The following TFG variants were observed in gnomAD, a reference collection of about 807,000 sequenced individuals.
TFG encodes the protein trafficking from ER to golgi regulator.
A neutral mutation model predicts 51.4 loss-of-function variants in TFG; 22 were observed. That is an observed-to-expected ratio of 0.43 (90% CI 0.31 to 0.61). TFG has a LOEUF of 0.61. Ranked by LOEUF, TFG falls within the 20% of genes least tolerant of loss-of-function variation. The probability of loss-of-function intolerance (pLI) is 0.12; values close to 1 mark genes in which losing one functional copy is unlikely to be tolerated. For synonymous variants in TFG, 187 were observed against 165.6 expected (o/e 1.13, Z -0.99); for missense variants, 419 against 487.7 (o/e 0.86, Z 1.33).
chr3:100,713,656 T>C lies in TFG; in HGVS notation c.-30T>C, dbSNP rs759028594. ...CACTTTTATCAGTCTTTCTCTAGAG[T>C]TGTATATATAGAACATCCTGGAGTC... is the stretch of plus-strand genomic sequence containing the variant. On this transcript the variant is annotated 5_prime_UTR_variant, in exon 2 of 8. Transcript: ENST00000240851. The C allele has an allele frequency of 6.8e-7, 1 of 1,480,902 alleles. No homozygotes were observed. Among genetic ancestry groups the C allele is most frequent in the Admixed American group, 2.1e-5 (1 of 48,566 alleles). 91.7% of individuals were successfully genotyped at this position (1,480,902 alleles called of 1,614,324 possible). A position where few individuals can be genotyped will look rare whatever the true frequency, so the allele number is the denominator to read the frequency against.
chr3:100,720,132 T>A, intron 3 of TFG, 74 bp downstream of exon 3: 2 of 925,000 alleles, frequency 2.2e-6, no homozygotes, highest in Non-Finnish European at 3.3e-6. Flanking sequence ...TTTTTCCTTT[T>A]AAAGACTCAG....
intron 6 of TFG, among the ~76,000 whole-genome samples, chr3:100,738,516 G>A (rs2095112813): frequency 6.6e-6 from 1 of 152,172 alleles, no homozygotes. Flanking sequence ...GTTTAATTGA[G>A]CATTTTCAAA....
At chr3:100,743,561 T>C (rs896536820) in intron 6 of TFG, 1 of 152,164 alleles carries the variant, frequency 6.6e-6, no homozygotes, top group Non-Finnish European at 1.5e-5. Flanking sequence ...ATAGGATAAA[T>C]AGCTTAAAAT....
intron 4 of TFG, among the ~76,000 whole-genome samples, chr3:100,730,936 A>G (rs1370798245): frequency 6.6e-6 from 1 of 152,306 alleles, no homozygotes; most frequent in Non-Finnish European, 1.5e-5. Context: ...AGAGGAAGGA[A>G]GTTGGTAGGG....
At chr3:100,746,120 G>T (rs1431536173) in intron 7 of TFG, among the ~76,000 whole-genome samples, 1 of 152,142 alleles carries the variant, frequency 6.6e-6, no homozygotes. Context: ...TCAGGAGGAA[G>T]GTTATTTTTA....
intron 3 of TFG, among the ~76,000 whole-genome samples, chr3:100,720,657 G>T (rs1454412000): frequency 6.6e-6 from 1 of 152,210 alleles, no homozygotes. Context: ...GCCCGGTTTG[G>T]TTCCTAACAG....
At chr3:100,718,671 CCTCGGCCTCCCAAGTAG>C (rs2095053018) in intron 2 of TFG, among the ~76,000 whole-genome samples, 1 of 150,696 alleles carries the variant, frequency 6.6e-6, no homozygotes, top group South Asian at 2.1e-4. Flanking sequence ...GATTCTCCTG[CCTCGGCCTCCCAAGTAG>C]CTGGAATTAT....
intron 2 of TFG, 71 bp downstream of exon 2, chr3:100,713,940 G>A: frequency 9.6e-7 from 1 of 1,041,746 alleles, no homozygotes; most frequent in Non-Finnish European, 1.3e-6. Flanking sequence ...AGCCTCTGTT[G>A]CCCAGGCTGG....
At position 100,709,638 on chromosome 3, in the gene TFG, C is replaced by G. The variant is rs935826865; in HGVS notation, c.-127C>G. The G allele has an allele frequency of 6.6e-6, 1 of 151,360 alleles. No individual in the cohort carries two copies. The highest frequency in any genetic ancestry group is 2.4e-5 in the African/African-American group (1 of 41,164). 9.4% of individuals were successfully genotyped at this position (151,360 alleles called of 1,614,324 possible). A position where few individuals can be genotyped will look rare whatever the true frequency, so the allele number is the denominator to read the frequency against. On this transcript the variant is annotated 5_prime_UTR_variant, in exon 1 of 8. Transcript: ENST00000240851. ...GAGGGGGCCGTGACCACCGCCTCCCCGCGACGCCCCAGTCCAGTGGCCTCG... is the reference window on the plus strand; with the variant it reads ...GAGGGGGCCGTGACCACCGCCTCCCGGCGACGCCCCAGTCCAGTGGCCTCG...
rs1173367930 is a variant in TFG, at chr3:100,711,275, G to T, written c.-44+1554G>T. Among the ~76,000 whole-genome samples, 3 of 152,218 alleles carry T rather than the reference G, an allele frequency of 2.0e-5. No homozygotes were observed. In the East Asian group the frequency reaches 5.8e-4, roughly 29 times the overall value. ...GCGCCACGACAACTGGCTCATTTTT[G>T]TATTTTTAGTAGAGACAGGGTTTCA... On this transcript the variant is annotated intron_variant, in intron 1 of 7. Transcript: ENST00000240851.
At chr3:100,713,266 G>A (rs2095035936) in intron 1 of TFG, among the ~76,000 whole-genome samples, 1 of 152,176 alleles carries the variant, frequency 6.6e-6, no homozygotes. Flanking sequence ...CAGTTTGGAT[G>A]TAAGGTTTGA....
chr3:100,715,562 T>G (rs1427804282), intron 2 of TFG, among the ~76,000 whole-genome samples: 1 of 152,240 alleles, frequency 6.6e-6, no homozygotes, highest in East Asian at 1.9e-4. Context: ...AATTCTCCTT[T>G]GTTTTTGTGA....
intron 3 of TFG, among the ~76,000 whole-genome samples, chr3:100,727,949 C>T (rs944727490): frequency 6.6e-6 from 1 of 152,202 alleles, no homozygotes; most frequent in Non-Finnish European, 1.5e-5. Flanking sequence ...CCTCCCACCC[C>T]AGCCTCCTGA....
At chr3:100,729,624 A>G (rs897628087) in intron 4 of TFG, among the ~76,000 whole-genome samples, 4 of 152,110 alleles carry the variant, frequency 2.6e-5, no homozygotes, top group African/African-American at 9.7e-5. Context: ...TTGTTTGCTT[A>G]TAATTTTCAT....
chr3:100,709,952 G>A (rs2095025157), intron 1 of TFG: 1 of 149,768 alleles, frequency 6.7e-6, no homozygotes, highest in African/African-American at 2.5e-5. Context: ...AGGTCGCGGA[G>A]GGGGAGGGGA....
At chr3:100,715,772 G>A (rs528549004) in intron 2 of TFG, among the ~76,000 whole-genome samples, 11 of 151,318 alleles carry the variant, frequency 7.3e-5, no homozygotes, top group African/African-American at 2.2e-4. Flanking sequence ...CCAGGCTACA[G>A]TGCAGTGGCA....
At position 100,741,629 on chromosome 3, in the gene TFG, C is replaced by T. The variant is rs1330197396; in HGVS notation, c.722-3204C>T. Among the ~76,000 whole-genome samples the T allele has an allele frequency of 2.0e-5, 3 of 151,924 alleles. No individual in the cohort carries two copies. In the East Asian group the frequency reaches 5.8e-4, roughly 29 times the overall value. ...GCCTAAGTGTATAGCGTTTGTAAAC[C>T]TTTAGTAGTGCACAGTAATGTCCTT... On this transcript the variant is annotated intron_variant, in intron 6 of 7. Coordinates refer to ENST00000240851, the MANE Select transcript of TFG (RefSeq NM_006070.6).
chr3:100,748,465 T>A lies in TFG; in HGVS notation c.1137T>A (p.Asn379Lys). The A allele has an allele frequency of 6.2e-7, 1 of 1,614,068 alleles. No individual in the cohort carries two copies. The highest frequency in any genetic ancestry group is 8.5e-7 in the Non-Finnish European group (1 of 1,179,990). ...TGACCCCTCCTCCAAGTGGGCCTAA[T>A]CCTTATGCGCGTAACCGTCCTCCCT... Reference protein sequence around the residue: ...STMTPPPSGPNPYARNRPPFG... With the variant: ...STMTPPPSGPKPYARNRPPFG... Residue 379 changes from asparagine to lysine, a missense_variant, in exon 8 of 8, where the codon AAT becomes AAA. Transcript: ENST00000240851.
chr3:100,713,577 T>C (rs1460625069), intron 1 of TFG, 66 bp from the exon 2 acceptor site: 11 of 668,234 alleles, frequency 1.6e-5, no homozygotes, highest in Non-Finnish European at 2.3e-5. Flanking sequence ...TAGCATCTAA[T>C]AGTAGCTTTG....
Sources: gnomAD v4.1 joint callset for allele counts (sites outside exome capture counted in the v4.1 genomes callset) on GRCh38, gnomAD v4.1.1 for gene constraint, MANE v1.5 for transcripts, NCBI Gene and HGNC (gene_info 2026-07-23, HGNC 2026-07-21) for gene names.